PRPF4: variants seen among roughly 807,000 people sequenced by gnomAD.
PRPF4 encodes U4/U6 small nuclear ribonucleoprotein Prp4.
PRPF4 carries 14 observed loss-of-function variants against 72.2 expected under a neutral mutation model. That is an observed-to-expected ratio of 0.19 (90% CI 0.13 to 0.30). The LOEUF is 0.30. PRPF4 is among the 10% of genes least tolerant of loss of function. The probability of loss-of-function intolerance (pLI) is 1.00; values close to 1 mark genes in which losing one functional copy is unlikely to be tolerated. For missense variants in PRPF4, 478 were observed against 653.9 expected (o/e 0.73, Z 2.93); for synonymous variants, 225 against 232.2 (o/e 0.97, Z 0.28).
intron 4 of PRPF4, 33 bp downstream of exon 4, chr9:113,282,766 A>AT (rs1832320361): frequency 6.7e-7 from 1 of 1,485,402 alleles, no homozygotes; most frequent in Admixed American, 1.8e-5. Flanking sequence ...CAGTATAAAC[A>AT]TGAAGGAAAT....
At chr9:113,287,377 T>C (rs1188248977) in intron 9 of PRPF4, among the ~76,000 whole-genome samples, 1 of 152,180 alleles carries the variant, frequency 6.6e-6, no homozygotes, top group Non-Finnish European at 1.5e-5. Flanking sequence ...AGGTTCTGTC[T>C]AGCAGTATTA....
intron 8 of PRPF4, 60 bp from the exon 9 acceptor site, chr9:113,286,645 T>C: frequency 3.1e-6 from 5 of 1,600,548 alleles, no homozygotes; most frequent in South Asian, 1.1e-5. Context: ...TTCCCTAGTA[T>C]ATAACATGGG....
chr9:113,281,321 T>A (rs1388067762), intron 3 of PRPF4, among the ~76,000 whole-genome samples: 4 of 152,222 alleles, frequency 2.6e-5, no homozygotes, highest in African/African-American at 4.8e-5. Context: ...TATACTTTTT[T>A]ATTATTGTTT....
intron 3 of PRPF4, among the ~76,000 whole-genome samples, chr9:113,281,433 T>C (rs1358367181): frequency 6.6e-6 from 1 of 152,256 alleles, no homozygotes; most frequent in Non-Finnish European, 1.5e-5. Flanking sequence ...CAGTCCACGG[T>C]TGTGACTCAG....
intron 6 of PRPF4, 130 bp downstream of exon 6, chr9:113,283,612 G>A (rs930759259): frequency 1.1e-6 from 1 of 876,016 alleles, no homozygotes; most frequent in Admixed American, 2.6e-5. Context: ...TTGAGCTGCT[G>A]TGACATGGAA....
At chr9:113,290,397 GA>G in intron 10 of PRPF4, 68 bp from the exon 11 acceptor site, 1 of 1,603,442 alleles carries the variant, frequency 6.2e-7, no homozygotes, top group Non-Finnish European at 8.5e-7. Context: ...TAATGGCTTA[GA>G]ATACTTTATG....
intron 10 of PRPF4, among the ~76,000 whole-genome samples, chr9:113,289,049 C>T (rs776164950): frequency 6.6e-6 from 1 of 152,228 alleles, no homozygotes; most frequent in Non-Finnish European, 1.5e-5. Context: ...TTCCAGCCAA[C>T]TCCCCCTTCT....
chr9:113,282,766 A>G (rs1241750088), intron 4 of PRPF4, 33 bp downstream of exon 4: 2 of 1,485,520 alleles, frequency 1.3e-6, no homozygotes, highest in Non-Finnish European at 1.9e-6. Flanking sequence ...CAGTATAAAC[A>G]TGAAGGAAAT....
chr9:113,275,847 T>A (rs1832074095), intron 1 of PRPF4, 77 bp downstream of exon 1: 1 of 1,576,778 alleles, frequency 6.3e-7, no homozygotes. Context: ...AAGGGGCCGT[T>A]AAGGAGCGGG....
At chr9:113,278,655 A>G (rs1296553446) in intron 2 of PRPF4, among the ~76,000 whole-genome samples, 1 of 152,220 alleles carries the variant, frequency 6.6e-6, no homozygotes, top group East Asian at 1.9e-4. Flanking sequence ...CTCATTTGCA[A>G]AAGATGTTCT....
intron 7 of PRPF4, among the ~76,000 whole-genome samples, chr9:113,285,539 C>T (rs184197546): frequency 6.5e-4 from 98 of 151,050 alleles, no homozygotes; most frequent in African/African-American, 2.0e-3. Flanking sequence ...CCACCGCACC[C>T]AGCTAATTTT....
Position 113,291,449 on chromosome 9 carries a change from C to G in PRPF4, c.1373-18C>G. The G allele has an allele frequency of 1.3e-6, 2 of 1,593,788 alleles. No individual in the cohort carries two copies. The highest frequency in any genetic ancestry group is 1.7e-6 in the Non-Finnish European group (2 of 1,164,686). ...ATACTTGAATTCCTCAAGCAATTCC[C>G]CTTCTCTTCTCCTGTAGCTATCCAT... On this transcript the variant is annotated intron_variant, in intron 13 of 13. Transcript: ENST00000374198.
At chr9:113,285,715 G>T (rs534523901) in intron 7 of PRPF4, among the ~76,000 whole-genome samples, 1 of 151,732 alleles carries the variant, frequency 6.6e-6, no homozygotes, top group South Asian at 2.1e-4. Flanking sequence ...TTTTTAAAAC[G>T]TTAGCCAGGT....
intron 9 of PRPF4, 143 bp from the exon 10 acceptor site, chr9:113,288,032 T>C: frequency 3.0e-6 from 2 of 659,452 alleles, no homozygotes; most frequent in Non-Finnish European, 5.1e-6. Flanking sequence ...ACTATTTTGC[T>C]TATTGGGCCA....
At position 113,291,645 on chromosome 9, in the gene PRPF4, G is replaced by A. The variant is rs753268907; in HGVS notation, c.1551G>A (p.Leu517=). ...ATCSYDRTFK[L]WMAE is the part of the protein sequence containing the mutation. ...GCTCATATGACAGGACCTTCAAGCT[G>A]TGGATGGCTGAATAGATGACAATGG... Residue 517 remains leucine (L), a synonymous_variant, in exon 14 of 14, where the codon CTG becomes CTA. Coordinates refer to ENST00000374198, the MANE Select transcript of PRPF4 (RefSeq NM_001244926.2). The A allele has an allele frequency of 1.9e-6, 3 of 1,614,178 alleles. No individual in the cohort carries two copies. The South Asian group carries it at 3.3e-5, about 18-fold the overall frequency.
At position 113,291,602 on chromosome 9, in the gene PRPF4, G is replaced by A. The variant is rs965482123; in HGVS notation, c.1508G>A (p.Gly503Glu). Residue 503 changes from glycine to glutamate, a missense_variant, in exon 14 of 14, where the codon GGG becomes GAG. By Grantham distance (98) the Gly-to-Glu change is moderately conservative. Coordinates refer to ENST00000374198, the MANE Select transcript of PRPF4 (RefSeq NM_001244926.2). ...ATGGGCCTAGATATTTCTTCCGATG[G>A]GCAGCTCATAGCCACTTGCTCATAT... is the stretch of plus-strand genomic sequence containing the variant. Reference protein sequence around the residue: ...KVMGLDISSDGQLIATCSYDR... With the variant: ...KVMGLDISSDEQLIATCSYDR... 1 of 1,614,120 alleles carries A rather than the reference G, an allele frequency of 6.2e-7. No homozygotes were observed. Among genetic ancestry groups the A allele is most frequent in the East Asian group, 2.2e-5 (1 of 44,876 alleles).
rs1480478312 is a variant in PRPF4, at chr9:113,292,455, T to C, written c.*795T>C. 6.6e-6 allele frequency: 1 copy of C among 152,156 alleles called. No individual in the cohort carries two copies. Among genetic ancestry groups the C allele is most frequent in the African/African-American group, 2.4e-5 (1 of 41,424 alleles). The allele number at this position is 152,156 out of a possible 1,614,324, so 9.4% of individuals were successfully genotyped here. ...TCATAGCGAGCACTTTTCCTTTCCC[T>C]GGAGAATGGGATGTGAAGCAGTAGA... is the stretch of plus-strand genomic sequence containing the variant. On this transcript the variant is annotated 3_prime_UTR_variant, in exon 14 of 14. Coordinates refer to ENST00000374198, the MANE Select transcript of PRPF4 (RefSeq NM_001244926.2).
chr9:113,286,765 C>A lies in PRPF4; in HGVS notation c.869C>A (p.Pro290Gln), dbSNP rs772193477. ...FHPKSTVSLDPKDVNLASCAA... is the reference protein window; with the variant it reads ...FHPKSTVSLDQKDVNLASCAA... ...CCCAAATCCACTGTCTCCTTGGACC[C>A]AAAAGATGTCAACCTGGCCTCTTGT... is the stretch of plus-strand genomic sequence containing the variant. The change falls in exon 9 of 14, where the codon CCA becomes CAA. Residue 290 changes from proline to glutamine, a missense_variant. Transcript: ENST00000374198. 1 of 1,614,036 alleles carries A rather than the reference C, an allele frequency of 6.2e-7. No individual in the cohort carries two copies. The highest frequency in any genetic ancestry group is 1.7e-5 in the Admixed American group (1 of 59,988).
chr9:113,284,227 G>T, intron 6 of PRPF4, 68 bp from the exon 7 acceptor site: 1 of 1,223,210 alleles, frequency 8.2e-7, no homozygotes, highest in South Asian at 1.3e-5. Context: ...TTTTATGGTG[G>T]AAAAGCAAAG....
Sources: allele counts gnomAD v4.1 joint callset (sites outside exome capture counted in the v4.1 genomes callset), GRCh38; gene constraint gnomAD v4.1.1; transcripts MANE v1.5; gene names NCBI Gene and HGNC (gene_info 2026-07-23, HGNC 2026-07-21).